Variants in DNAAF10 observed in about 807,000 individuals in gnomAD.
DNAAF10 encodes dynein axonemal assembly factor 10.
A neutral mutation model predicts 43.7 loss-of-function variants in DNAAF10; 28 were observed. That is an observed-to-expected ratio of 0.64 (90% confidence interval 0.48 to 0.88). The LOEUF is 0.88. Ranked by LOEUF, DNAAF10 falls within the 40% of genes least tolerant of loss-of-function variation. The pLI, the probability that DNAAF10 is intolerant of heterozygous loss-of-function variation, is 0.00. For missense variants in DNAAF10, 403 were observed against 439.1 expected (o/e 0.92, Z 0.73); for synonymous variants, 156 against 157.3 (o/e 0.99, Z 0.06).
intron 6 of DNAAF10, among the ~76,000 whole-genome samples, chr2:68,136,220 GA>G (rs1164483365): frequency 0.088 from 4,625 of 52,694 alleles, 144 homozygotes; most frequent in African/African-American, 0.23. Context: ...TCTGTCTCCA[GA>G]AAAAAAAAAA....
intron 7 of DNAAF10, among the ~76,000 whole-genome samples, chr2:68,133,342 A>G (rs1466937720): frequency 6.6e-6 from 1 of 152,068 alleles, no homozygotes; most frequent in African/African-American, 2.4e-5. Context: ...TCCCAGATTC[A>G]GGCAATTCTC....
At chr2:68,140,841 A>C (rs1673159851) in intron 4 of DNAAF10, among the ~76,000 whole-genome samples, 1 of 152,140 alleles carries the variant, frequency 6.6e-6, no homozygotes, top group Admixed American at 6.5e-5. Flanking sequence ...TTGGAAAAAA[A>C]TTTGCATCTA....
chr2:68,157,076 C>T lies in DNAAF10; in HGVS notation c.183+185G>A, dbSNP rs568722340. On this transcript the variant is annotated intron_variant, in intron 1 of 7. Transcript: ENST00000295121. ...GACGGTTGGGCGCGGAGGAACTACC[C>T]CGCGGATGAGAAGAAAGGTTTTAAA... The T allele has an allele frequency of 1.6e-3, 1,394 of 856,972 alleles. 6 individuals carry two copies. The highest frequency in any genetic ancestry group is 4.9e-3 in the South Asian group (270 of 55,324). 53.1% of individuals were successfully genotyped at this position (856,972 alleles called of 1,614,324 possible). A position where few individuals can be genotyped will look rare whatever the true frequency, so the allele number is the denominator to read the frequency against.
At chr2:68,150,568 A>G (rs1673432222) in intron 1 of DNAAF10, among the ~76,000 whole-genome samples, 1 of 151,916 alleles carries the variant, frequency 6.6e-6, no homozygotes, top group Non-Finnish European at 1.5e-5. Context: ...CCCCCTCTCT[A>G]CTAAAAATAC....
chr2:68,149,670 T>C (rs1334656770), intron 1 of DNAAF10, among the ~76,000 whole-genome samples: 4 of 152,200 alleles, frequency 2.6e-5, no homozygotes, highest in Non-Finnish European at 4.4e-5. Context: ...TGAAATAATA[T>C]ATTAACAGTG....
chr2:68,138,841 T>C lies in DNAAF10; in HGVS notation c.534A>G (p.Gln178=), dbSNP rs547092631. 4 of 1,613,602 alleles carry C rather than the reference T, an allele frequency of 2.5e-6. No individual in the cohort carries two copies. In the African/African-American group the frequency reaches 5.3e-5, roughly 22 times the overall value. ...AGCCAGCACAAACAACACGTTCTTC[T>C]TGATTATAAGCATTGCCTGGAAATC... ...WTVAFGNAYN[Q]EERVVCAGYD... is the part of the protein sequence containing the mutation. The change falls in exon 5 of 8, where the codon CAA becomes CAG. Residue 178 remains glutamine (Q), a synonymous_variant. Coordinates refer to ENST00000295121, the MANE Select transcript of DNAAF10 (RefSeq NM_138458.4).
At position 68,157,353 on chromosome 2, in the gene DNAAF10, C is replaced by T; in HGVS notation, c.91G>A (p.Ala31Thr). The part of the protein sequence containing the change: ...VFDCKWVPCS[A>T]KFVTMGNFAR... The stretch of plus-strand genomic sequence containing the variant: ...AAGTTGCCCATGGTCACAAATTTGG[C>T]GCTGCAGGGCACCCACTTACAGTCA... Residue 31 changes from alanine to threonine, a missense_variant, in exon 1 of 8, where the codon GCC (alanine) becomes ACC (threonine). Transcript: ENST00000295121. The T allele has an allele frequency of 1.2e-6, 2 of 1,614,188 alleles. No homozygotes were observed. The highest frequency in any genetic ancestry group is 1.7e-6 in the Non-Finnish European group (2 of 1,180,024).
chr2:68,133,227 T>C (rs116465024), intron 7 of DNAAF10, among the ~76,000 whole-genome samples: 82 of 152,238 alleles, frequency 5.4e-4, no homozygotes, highest in Non-Finnish European at 1.1e-3. Context: ...GTTGTTTGTT[T>C]GTTTGTTTGT....
chr2:68,131,549 ACT>A, intron 7 of DNAAF10, 104 bp from the exon 8 acceptor site: 1 of 1,032,172 alleles, frequency 9.7e-7, no homozygotes, highest in Non-Finnish European at 1.4e-6. Context: ...GGTTACTGGG[ACT>A]AATAAATACT....
intron 1 of DNAAF10, 134 bp downstream of exon 1, chr2:68,157,127 C>T (rs1673643196): frequency 2.4e-6 from 3 of 1,238,624 alleles, no homozygotes; most frequent in Non-Finnish European, 3.3e-6. Flanking sequence ...AGTCGGCGGT[C>T]AGCTTCTCTG....
At chr2:68,141,034 C>G (rs1673165574) in intron 4 of DNAAF10, among the ~76,000 whole-genome samples, 3 of 152,132 alleles carry the variant, frequency 2.0e-5, no homozygotes, top group African/African-American at 7.2e-5. Flanking sequence ...CCACCAGGCC[C>G]CACCTCCAAC....
At chr2:68,153,178 C>CA (rs1214060894) in intron 1 of DNAAF10, among the ~76,000 whole-genome samples, 3 of 151,952 alleles carry the variant, frequency 2.0e-5, no homozygotes, top group Non-Finnish European at 4.4e-5. Context: ...TTGTGTGGTG[C>CA]AAAAAACTGC....
At chr2:68,137,225 G>C (rs1317554401) in intron 6 of DNAAF10, 74 bp downstream of exon 6, 2 of 1,453,624 alleles carry the variant, frequency 1.4e-6, no homozygotes, top group African/African-American at 1.4e-5. Flanking sequence ...AGAAACCTTG[G>C]TGACTAATTC....
Position 68,137,392 on chromosome 2 carries a change from A to G in DNAAF10, c.675T>C (p.Asn225=), listed in dbSNP as rs377158160. Reference sequence around the variant, plus strand: ...CTTCCAGAGATGTGGCTACTAACTTATTCATACTTATGTCTTTTCTGTCAA... The same window carrying G: ...CTTCCAGAGATGTGGCTACTAACTTGTTCATACTTATGTCTTTTCTGTCAA... ...LEFDRKDISM[N]KLVATSLEGK... Residue 225 remains asparagine (N), a synonymous_variant, in exon 6 of 8, where the codon AAT becomes AAC. Coordinates refer to ENST00000295121, the MANE Select transcript of DNAAF10 (RefSeq NM_138458.4). 4 of 1,613,278 alleles carry G rather than the reference A, an allele frequency of 2.5e-6. No individual in the cohort carries two copies. The African/African-American group carries it at 5.3e-5, about 22-fold the overall frequency.
chr2:68,138,548 T>C (rs1572919006), intron 5 of DNAAF10, among the ~76,000 whole-genome samples, 194 bp downstream of exon 5: 1 of 152,156 alleles, frequency 6.6e-6, no homozygotes, highest in African/African-American at 2.4e-5. Flanking sequence ...CACATGTGGG[T>C]GTGAGCTCAT....
chr2:68,155,349 T>C (rs1209779021), intron 1 of DNAAF10, among the ~76,000 whole-genome samples: 2 of 151,198 alleles, frequency 1.3e-5, no homozygotes, highest in Non-Finnish European at 3.0e-5. Flanking sequence ...AAAAAATTAG[T>C]TGGGCGTGGT....
chr2:68,138,833 C>A lies in DNAAF10; in HGVS notation c.542G>T (p.Arg181Leu). 6.2e-7 allele frequency: 1 copy of A among 1,613,802 alleles called. No individual in the cohort carries two copies. Among genetic ancestry groups the A allele is most frequent in the Non-Finnish European group, 8.5e-7 (1 of 1,179,722 alleles). The change falls in exon 5 of 8, where the codon CGT becomes CTT. Residue 181 changes from arginine (R) to leucine (L), a missense_variant. Arg to Leu is a moderately radical substitution (Grantham distance 102). Transcript: ENST00000295121. ...ATTGTCATAGCCAGCACAAACAACA[C>A]GTTCTTCTTGATTATAAGCATTGCC... ...AFGNAYNQEE[R>L]VVCAGYDNGD...
chr2:68,153,653 A>G (rs1572928834), intron 1 of DNAAF10, among the ~76,000 whole-genome samples: 1 of 151,956 alleles, frequency 6.6e-6, no homozygotes, highest in Non-Finnish European at 1.5e-5. Context: ...AATGATCCTG[A>G]TGCACAGTAA....
chr2:68,157,043 G>C, intron 1 of DNAAF10: 1 of 657,286 alleles, frequency 1.5e-6, no homozygotes, highest in Non-Finnish European at 2.5e-6. Context: ...CTGCACTGGG[G>C]GTGGCAGGAC....
Sources: allele counts gnomAD v4.1 joint callset (sites outside exome capture counted in the v4.1 genomes callset), GRCh38; gene constraint gnomAD v4.1.1; transcripts MANE v1.5; gene names NCBI Gene and HGNC (gene_info 2026-07-23, HGNC 2026-07-21).